KIF6: variants seen among roughly 807,000 people sequenced by gnomAD.
KIF6 encodes kinesin-like protein KIF6.
Under a neutral mutation model 112.7 loss-of-function variants are expected in KIF6, and 106 were observed. The ratio of observed to expected loss-of-function variants is 0.94; its 90% CI spans 0.80 to 1.11. The LOEUF is 1.11. KIF6 is among the 50% of genes least tolerant of loss of function. KIF6 has a pLI of 0.00. For missense variants in KIF6, 929 were observed against 964.0 expected (o/e 0.96, Z 0.48); for synonymous variants, 339 against 339.9 (o/e 1.00, Z 0.03).
intron 5 of KIF6, among the ~76,000 whole-genome samples, chr6:39,633,812 G>C (rs1784475672): frequency 6.6e-6 from 1 of 152,154 alleles, no homozygotes; most frequent in South Asian, 2.1e-4. Context: ...ACTCAAGTTA[G>C]AAGTGACCTC....
chr6:39,554,061 G>C (rs1046047240), intron 10 of KIF6: 2 of 156,244 alleles, frequency 1.3e-5, no homozygotes, highest in Middle Eastern at 5.7e-4. Context: ...TCAGTGGAAA[G>C]GCATGGGGCC....
chr6:39,423,288 A>G (rs1356844524), intron 14 of KIF6, among the ~76,000 whole-genome samples: 1 of 152,174 alleles, frequency 6.6e-6, no homozygotes, highest in Non-Finnish European at 1.5e-5. Context: ...ACTGTGTGCC[A>G]GACAGGTACT....
intron 6 of KIF6, among the ~76,000 whole-genome samples, chr6:39,602,491 A>G (rs1324157083): frequency 2.0e-5 from 3 of 152,098 alleles, no homozygotes; most frequent in Non-Finnish European, 4.4e-5. Context: ...ACTGTGTCTT[A>G]TGCGTCATTG....
At chr6:39,430,060 C>T (rs552169230) in intron 14 of KIF6, among the ~76,000 whole-genome samples, 1 of 152,188 alleles carries the variant, frequency 6.6e-6, no homozygotes, top group African/African-American at 2.4e-5. Flanking sequence ...ATTTCTCTGT[C>T]GCATCTGACA....
chr6:39,689,120 A>C (rs1041651646), intron 3 of KIF6, among the ~76,000 whole-genome samples: 3 of 152,202 alleles, frequency 2.0e-5, no homozygotes, highest in African/African-American at 4.8e-5. Flanking sequence ...CTGTCTGCAA[A>C]AAAAAGAGAA....
intron 10 of KIF6, among the ~76,000 whole-genome samples, chr6:39,563,858 C>T (rs372060762): frequency 2.6e-5 from 4 of 152,200 alleles, no homozygotes; most frequent in Admixed American, 6.5e-5. Flanking sequence ...AGGGTCTCAT[C>T]GCCTTTTTCA....
At chr6:39,596,760 T>C (rs927514313) in intron 6 of KIF6, among the ~76,000 whole-genome samples, 1 of 152,016 alleles carries the variant, frequency 6.6e-6, no homozygotes, top group Admixed American at 6.6e-5. Flanking sequence ...ATAGAAGGCA[T>C]AATAGTAGGA....
chr6:39,386,776 C>T (rs548107827), intron 15 of KIF6, among the ~76,000 whole-genome samples: 7 of 152,174 alleles, frequency 4.6e-5, no homozygotes, highest in South Asian at 2.1e-4. Context: ...AACAGCAGCC[C>T]GGAGTTTGTT....
Position 39,486,942 on chromosome 6 carries a change from A to C in KIF6, c.1645+53061T>G, listed in dbSNP as rs568317719. Among the ~76,000 whole-genome samples, 4 of 152,336 alleles carry C rather than the reference A, an allele frequency of 2.6e-5. No individual in the cohort carries two copies. The South Asian group carries it at 8.3e-4, about 32-fold the overall frequency. Reference sequence around the variant, plus strand: ...GTTGAATTATAAATGTACATTTATTACTGCAAGACTAAAACAGAGCCATAA... The same window carrying C: ...GTTGAATTATAAATGTACATTTATTCCTGCAAGACTAAAACAGAGCCATAA... On this transcript the variant is annotated intron_variant, in intron 13 of 22. Coordinates refer to ENST00000287152, the MANE Select transcript of KIF6 (RefSeq NM_145027.6).
At chr6:39,594,172 T>C (rs1554132141) in intron 7 of KIF6, among the ~76,000 whole-genome samples, 1 of 152,004 alleles carries the variant, frequency 6.6e-6, no homozygotes, top group Non-Finnish European at 1.5e-5. Context: ...AGGAATAGTT[T>C]TAGTGACACA....
At chr6:39,614,945 T>C (rs1783421373) in intron 5 of KIF6, among the ~76,000 whole-genome samples, 1 of 152,128 alleles carries the variant, frequency 6.6e-6, no homozygotes, top group South Asian at 2.1e-4. Flanking sequence ...ATTCTGGGGC[T>C]TATAGGTGAG....
chr6:39,555,953 CAAAAAA>C (rs35420944), intron 10 of KIF6, among the ~76,000 whole-genome samples: 3 of 77,720 alleles, frequency 3.9e-5, no homozygotes, highest in African/African-American at 1.4e-4. Context: ...GACGCTGTCT[CAAAAAA>C]AAAAAAAAAA....
intron 13 of KIF6, among the ~76,000 whole-genome samples, chr6:39,506,881 C>A (rs762650832): frequency 4.6e-5 from 7 of 152,122 alleles, no homozygotes; most frequent in Non-Finnish European, 1.0e-4. Context: ...AGCTTCTGGG[C>A]TGGTGAATAT....
chr6:39,483,540 T>G (rs989486787), intron 13 of KIF6, among the ~76,000 whole-genome samples: 1 of 152,182 alleles, frequency 6.6e-6, no homozygotes, highest in Non-Finnish European at 1.5e-5. Flanking sequence ...TGTTAGCATT[T>G]TAAAAGGCTG....
At chr6:39,598,565 G>T (rs1450212702) in intron 6 of KIF6, among the ~76,000 whole-genome samples, 1 of 146,346 alleles carries the variant, frequency 6.8e-6, no homozygotes. Flanking sequence ...TCTTGGGCAG[G>T]TATACATATA....
At chr6:39,679,740 C>T (rs1255031440) in intron 3 of KIF6, among the ~76,000 whole-genome samples, 2 of 150,896 alleles carry the variant, frequency 1.3e-5, no homozygotes, top group Non-Finnish European at 1.5e-5. Context: ...CTCAGCCTCC[C>T]GAGTAGCTGG....
chr6:39,685,985 T>G (rs1392747564), intron 3 of KIF6, among the ~76,000 whole-genome samples: 1 of 152,256 alleles, frequency 6.6e-6, no homozygotes, highest in East Asian at 1.9e-4. Context: ...ACTTTTGTTT[T>G]AATTGATTTT....
At chr6:39,584,436 A>ACT (rs1561836388) in intron 9 of KIF6, among the ~76,000 whole-genome samples, 22 of 106,316 alleles carry the variant, frequency 2.1e-4, no homozygotes, top group Admixed American at 3.7e-4. Flanking sequence ...AAAAAAAAAA[A>ACT]AAAAAAAAAA....
intron 20 of KIF6, among the ~76,000 whole-genome samples, chr6:39,346,049 G>GCTCTCT (rs1203700665): frequency 0.016 from 471 of 28,974 alleles, 74 homozygotes; most frequent in Middle Eastern, 0.056. Context: ...AAACTACAGT[G>GCTCTCT]CTCTCTCTCT....
Sources: allele counts gnomAD v4.1 joint callset (sites outside exome capture counted in the v4.1 genomes callset), GRCh38; gene constraint gnomAD v4.1.1; transcripts MANE v1.5; gene names NCBI Gene and HGNC (gene_info 2026-07-23, HGNC 2026-07-21).